Variants in CNST observed in about 807,000 individuals in gnomAD.
CNST encodes the protein consortin.
CNST carries 39 observed loss-of-function variants against 72.4 expected under a neutral mutation model. The observed-to-expected ratio is 0.54, with a 90% CI of 0.42 to 0.70. The LOEUF is 0.70. Among genes scored for constraint, CNST ranks in the 30% least tolerant of loss-of-function variants. The pLI is 0.00. For missense variants in CNST, 871 were observed against 868.5 expected (o/e 1.00, Z -0.04); for synonymous variants, 332 against 320.1 (o/e 1.04, Z -0.40).
At chr1:246,624,655 G>A (rs769565988) in intron 3 of CNST, among the ~76,000 whole-genome samples, 4 of 152,146 alleles carry the variant, frequency 2.6e-5, no homozygotes, top group Non-Finnish European at 4.4e-5. Context: ...CCTCCCAAGG[G>A]ACACACAAAT....
In CNST at chr1:246,634,014, A is replaced by G; in HGVS notation, c.703+4A>G. On this transcript the variant is annotated splice_donor_region_variant and intron_variant, in intron 5 of 10. Coordinates refer to ENST00000366513, the MANE Select transcript of CNST (RefSeq NM_152609.3). Reference sequence around the variant, plus strand: ...TCTGCCATTCAAGAACAGTGGGGTAAGTACAGACCAACATGGAATGTGGAA... The same window carrying G: ...TCTGCCATTCAAGAACAGTGGGGTAGGTACAGACCAACATGGAATGTGGAA... 6.3e-7 allele frequency: 1 copy of G among 1,581,294 alleles called. No individual in the cohort carries two copies. The highest frequency in any genetic ancestry group is 8.7e-7 in the Non-Finnish European group (1 of 1,150,590).
intron 4 of CNST, among the ~76,000 whole-genome samples, chr1:246,633,604 G>C (rs1398116294): frequency 6.6e-6 from 1 of 151,734 alleles, no homozygotes; most frequent in Non-Finnish European, 1.5e-5. Flanking sequence ...TCAGCCAGGC[G>C]CAGTGGTAGG....
At chr1:246,643,238 C>A (rs547606887) in intron 8 of CNST, among the ~76,000 whole-genome samples, 1 of 152,268 alleles carries the variant, frequency 6.6e-6, no homozygotes, top group South Asian at 2.1e-4. Context: ...TCAAATCTTA[C>A]TTTATCTCCT....
chr1:246,597,402 G>C (rs556069990), intron 2 of CNST, among the ~76,000 whole-genome samples: 3 of 152,094 alleles, frequency 2.0e-5, no homozygotes, highest in Admixed American at 1.3e-4. Flanking sequence ...TTCCCCAAGC[G>C]GTGGCTACCA....
At position 246,647,914 on chromosome 1, in the gene CNST, C is replaced by T. The variant is rs149793351; in HGVS notation, c.1713C>T (p.Asp571=). The T allele has an allele frequency of 1.2e-4, 190 of 1,613,862 alleles. No individual in the cohort carries two copies. The highest frequency in any genetic ancestry group is 1.4e-4 in the Non-Finnish European group (160 of 1,179,986). Residue 571 remains aspartate, a synonymous_variant, in exon 9 of 11, where the codon GAC becomes GAT. Coordinates refer to ENST00000366513, the MANE Select transcript of CNST (RefSeq NM_152609.3). ...DSLSYEDNQD[D]DSDLLQDLSP... is the part of the protein sequence containing the mutation. The stretch of plus-strand genomic sequence containing the variant: ...TTTCCTATGAAGATAACCAAGACGA[C>T]GACTCCGATCTCCTTCAAGATCTCT...
intron 1 of CNST, among the ~76,000 whole-genome samples, chr1:246,583,608 C>T (rs1421595619): frequency 2.0e-5 from 3 of 152,172 alleles, no homozygotes; most frequent in Admixed American, 6.5e-5. Flanking sequence ...GTTGTAGACA[C>T]TCAAAATTGA....
chr1:246,626,614 A>G (rs1246404228), intron 3 of CNST, among the ~76,000 whole-genome samples: 1 of 149,972 alleles, frequency 6.7e-6, no homozygotes, highest in African/African-American at 2.5e-5. Context: ...GTGCCACCAC[A>G]CCTGGCTAAT....
intron 1 of CNST, among the ~76,000 whole-genome samples, chr1:246,586,226 A>G (rs1483620463): frequency 1.4e-5 from 2 of 147,406 alleles, no homozygotes; most frequent in Non-Finnish European, 1.5e-5. Flanking sequence ...TATATAATAT[A>G]TACCTTTTAT....
chr1:246,582,420 C>T (rs1396504954), intron 1 of CNST, among the ~76,000 whole-genome samples: 1 of 149,710 alleles, frequency 6.7e-6, no homozygotes, highest in African/African-American at 2.5e-5. Flanking sequence ...GTGATCCCGG[C>T]TCCCTGCAAC....
At chr1:246,611,719 A>T (rs1663327700) in intron 2 of CNST, among the ~76,000 whole-genome samples, 1 of 152,222 alleles carries the variant, frequency 6.6e-6, no homozygotes, top group Non-Finnish European at 1.5e-5. Flanking sequence ...TCCAGCCATT[A>T]ACTTCTAGGT....
intron 3 of CNST, among the ~76,000 whole-genome samples, chr1:246,625,631 A>AG (rs200184597): frequency 0.014 from 2,095 of 151,958 alleles, 51 homozygotes; most frequent in African/African-American, 0.047. Flanking sequence ...CATGTTGGCC[A>AG]GGAGGGTCTC....
intron 1 of CNST, among the ~76,000 whole-genome samples, chr1:246,583,273 A>G (rs1256391433): frequency 1.3e-5 from 2 of 151,930 alleles, no homozygotes; most frequent in African/African-American, 4.8e-5. Context: ...CATCTCTTTT[A>G]TTTGTATCTT....
chr1:246,660,091 A>C, intron 9 of CNST, 108 bp from the exon 10 acceptor site: 4 of 813,920 alleles, frequency 4.9e-6, no homozygotes, highest in Admixed American at 2.6e-5. Flanking sequence ...GGAATTGGAT[A>C]CCCCTGTAAT....
At chr1:246,577,921 C>T (rs900349825) in intron 1 of CNST, among the ~76,000 whole-genome samples, 1 of 151,992 alleles carries the variant, frequency 6.6e-6, no homozygotes, top group Non-Finnish European at 1.5e-5. Context: ...ACAAAAATAT[C>T]CTCTGTTCTC....
intron 1 of CNST, among the ~76,000 whole-genome samples, chr1:246,582,973 GA>G: frequency 6.6e-6 from 1 of 152,338 alleles, no homozygotes; most frequent in African/African-American, 2.4e-5. Context: ...GAAACGCAGG[GA>G]CCTCCCTGAC....
chr1:246,615,246 G>T (rs1663603219), intron 2 of CNST, among the ~76,000 whole-genome samples: 2 of 152,138 alleles, frequency 1.3e-5, no homozygotes, highest in African/African-American at 4.8e-5. Flanking sequence ...CGCGATCTCG[G>T]CTCACTGCAA....
chr1:246,591,460 G>GA, intron 1 of CNST, 52 bp from the exon 2 acceptor site: 3 of 1,256,574 alleles, frequency 2.4e-6, no homozygotes, highest in Non-Finnish European at 3.3e-6. Flanking sequence ...AGATCACTGA[G>GA]AATCTGCAAA....
chr1:246,624,522 A>T (rs570122850), intron 3 of CNST, among the ~76,000 whole-genome samples: 3 of 152,394 alleles, frequency 2.0e-5, no homozygotes, highest in Admixed American at 6.5e-5. Context: ...GAGATTGCTC[A>T]TTGGAAATCA....
At chr1:246,584,166 C>T (rs1660986912) in intron 1 of CNST, among the ~76,000 whole-genome samples, 1 of 152,158 alleles carries the variant, frequency 6.6e-6, no homozygotes, top group South Asian at 2.1e-4. Flanking sequence ...GGTCTTAAAT[C>T]CCTGGTCTCA....
Sources: allele counts gnomAD v4.1 joint callset (sites outside exome capture counted in the v4.1 genomes callset), GRCh38; gene constraint gnomAD v4.1.1; transcripts MANE v1.5; gene names NCBI Gene and HGNC (gene_info 2026-07-23, HGNC 2026-07-21).